SEL1L3: variants seen among roughly 807,000 people sequenced by gnomAD.
SEL1L3 encodes protein sel-1 homolog 3.
A neutral mutation model predicts 142.8 loss-of-function variants in SEL1L3; 76 were observed. The ratio of observed to expected loss-of-function variants is 0.53; its 90% CI spans 0.44 to 0.64. The LOEUF (loss-of-function observed/expected upper bound fraction) is 0.64. SEL1L3 is among the 30% of genes least tolerant of loss of function. SEL1L3 has a pLI of 0.00. For missense variants in SEL1L3, 1,262 were observed against 1,381.7 expected (o/e 0.91, Z 1.37); for synonymous variants, 504 against 519.6 (o/e 0.97, Z 0.41).
intron 7 of SEL1L3, among the ~76,000 whole-genome samples, chr4:25,820,457 A>G (rs1052985360): frequency 3.3e-5 from 5 of 152,232 alleles, no homozygotes; most frequent in Non-Finnish European, 5.9e-5. Context: ...CATCTGAATT[A>G]AAGCATGTAC....
chr4:25,715,460 CT>C, the SEL1L3 span, among the ~76,000 whole-genome samples: 215 of 152,222 alleles, frequency 1.4e-3, no homozygotes, highest in Non-Finnish European at 2.4e-3. Flanking sequence ...GAAATAGACC[CT>C]TTTACAATGC....
the SEL1L3 span, among the ~76,000 whole-genome samples, chr4:25,737,637 A>G: frequency 9.9e-5 from 15 of 152,206 alleles, no homozygotes; most frequent in Admixed American, 8.5e-4. Flanking sequence ...GTCCATAACA[A>G]AAATACAGTA....
In SEL1L3 at chr4:25,818,259, G is replaced by A. The variant is rs761127451; in HGVS notation, c.1443C>T (p.Tyr481=). 6.2e-7 allele frequency: 1 copy of A among 1,601,656 alleles called. No individual in the cohort carries two copies. Among genetic ancestry groups the A allele is most frequent in the Non-Finnish European group, 8.5e-7 (1 of 1,174,052 alleles). The change falls in exon 9 of 24, where the codon TAC becomes TAT. Residue 481 remains tyrosine, a synonymous_variant. Transcript: ENST00000399878. Reference sequence around the variant, plus strand: ...TCCCATACCTGCGCTGGAGGTCCAGGTAGGAGTTGTGGAGGTGGCCTACAC... The same window carrying A: ...TCCCATACCTGCGCTGGAGGTCCAGATAGGAGTTGTGGAGGTGGCCTACAC... The part of the protein sequence containing the change: ...RQEACHLHNS[Y]LDLQRRYGRP...
chr4:25,714,839 T>C, the SEL1L3 span, among the ~76,000 whole-genome samples: 1 of 152,130 alleles, frequency 6.6e-6, no homozygotes, highest in Non-Finnish European at 1.5e-5. Context: ...CCCAAGGTGC[T>C]GAGATTACAG....
At chr4:25,843,874 G>A (rs1364598714) in intron 2 of SEL1L3, among the ~76,000 whole-genome samples, 2 of 152,268 alleles carry the variant, frequency 1.3e-5, no homozygotes, top group Non-Finnish European at 2.9e-5. Context: ...GCCGTGTCTG[G>A]ACACACGTGG....
At chr4:25,753,361 C>T (rs1343285899) in intron 23 of SEL1L3, among the ~76,000 whole-genome samples, 1 of 152,240 alleles carries the variant, frequency 6.6e-6, no homozygotes, top group Non-Finnish European at 1.5e-5. Context: ...CTTATAGCAA[C>T]AATCCTCACC....
At chr4:25,714,500 T>TTTTCTTTCTTTCTTTCTTTC in the SEL1L3 span, among the ~76,000 whole-genome samples, 130 of 109,014 alleles carry the variant, frequency 1.2e-3, 1 homozygote, top group East Asian at 1.4e-3. Context: ...CTTTCTTTCT[T>TTTTCTTTCTTTCTTTCTTTC]TTTCTTTCTT....
At chr4:25,783,477 C>T (rs1711564987) in intron 14 of SEL1L3, among the ~76,000 whole-genome samples, 1 of 152,256 alleles carries the variant, frequency 6.6e-6, no homozygotes, top group South Asian at 2.1e-4. Flanking sequence ...TTGGGAGGCA[C>T]ATCCAGCTGC....
rs1339985712 is a variant in SEL1L3 at position 25,833,428 on chromosome 4, A to G, written c.982+20T>C. On this transcript the variant is annotated intron_variant, in intron 4 of 23. Transcript: ENST00000399878. ...TTACAAAATTACAATATCATTTTAA[A>G]GGTTCTGTTTTATACTCACCCTCTT... The G allele has an allele frequency of 6.2e-7, 1 of 1,601,018 alleles. No individual in the cohort carries two copies. Among genetic ancestry groups the G allele is most frequent in the Non-Finnish European group, 8.5e-7 (1 of 1,173,928 alleles).
At chr4:25,810,459 G>A (rs1028040840) in intron 9 of SEL1L3, among the ~76,000 whole-genome samples, 7 of 152,208 alleles carry the variant, frequency 4.6e-5, no homozygotes, top group Non-Finnish European at 8.8e-5. Flanking sequence ...AAACGGCTCA[G>A]TTTTGACAGG....
the SEL1L3 span, among the ~76,000 whole-genome samples, chr4:25,735,826 C>CTTTTTT: frequency 1.1e-3 from 110 of 101,542 alleles, no homozygotes; most frequent in Non-Finnish European, 1.3e-3. Context: ...TCTAACTATT[C>CTTTTTT]TTTTTTTTTT....
intron 2 of SEL1L3, among the ~76,000 whole-genome samples, chr4:25,839,522 C>G (rs1180464828): frequency 2.0e-5 from 3 of 152,220 alleles, no homozygotes; most frequent in Non-Finnish European, 2.9e-5. Flanking sequence ...AGGTCGGCAG[C>G]ATGTCCTGGT....
At position 25,789,968 on chromosome 4, in the gene SEL1L3, T is replaced by C. The variant is rs149684874; in HGVS notation, c.2076+487A>G. 4.9e-3 allele frequency among the ~76,000 whole-genome samples: 751 copies of C among 152,352 alleles called. 3 individuals are homozygous for C. The highest frequency in any genetic ancestry group is 0.017 in the Middle Eastern group (5 of 294). ...GTCCAACAAGCCATAAATGACTTTC[T>C]ATTGCTCTCCTAGCTGAGTTCATGG... On this transcript the variant is annotated intron_variant, in intron 12 of 23. Coordinates refer to ENST00000399878, the MANE Select transcript of SEL1L3 (RefSeq NM_015187.5).
chr4:25,794,039 T>C (rs1207748072), intron 11 of SEL1L3, among the ~76,000 whole-genome samples: 1 of 152,196 alleles, frequency 6.6e-6, no homozygotes, highest in Non-Finnish European at 1.5e-5. Context: ...ATGGACTAAA[T>C]ACTTAAATGT....
At chr4:25,746,545 A>AATAT (rs372226693), downstream of SEL1L3, among the ~76,000 whole-genome samples, 71,682 of 122,292 alleles carry the variant, frequency 0.59, 21,446 homozygotes, top group East Asian at 0.69. Flanking sequence ...TATATATTCA[A>AATAT]ATGTATATAT....
chr4:25,722,371 G>A, the SEL1L3 span, among the ~76,000 whole-genome samples: 4 of 152,050 alleles, frequency 2.6e-5, no homozygotes, highest in African/African-American at 7.2e-5. Flanking sequence ...TGCAACTACT[G>A]AGTCTTAATC....
chr4:25,745,428 T>C (rs911118598), downstream of SEL1L3, among the ~76,000 whole-genome samples: 2 of 151,516 alleles, frequency 1.3e-5, no homozygotes, highest in Non-Finnish European at 2.9e-5. Flanking sequence ...GAAGGCAGAA[T>C]TGAGCAGAGT....
At position 25,807,669 on chromosome 4, in the gene SEL1L3, G is replaced by A. The variant is rs369387804; in HGVS notation, c.1565-2917C>T. On this transcript the variant is annotated intron_variant, in intron 9 of 23. Coordinates refer to ENST00000399878, the MANE Select transcript of SEL1L3 (RefSeq NM_015187.5). ...GTACCCGTGGACCCGAGCTTTGTAG[G>A]CTCAGAGGAGGAAGAGACTCCAAAC... 2.0e-5 allele frequency among the ~76,000 whole-genome samples: 3 copies of A among 152,070 alleles called. No individual in the cohort carries two copies. The East Asian group carries it at 5.8e-4, about 29-fold the overall frequency.
rs551388877 is a variant in SEL1L3, at chr4:25,800,182, GTTAA to G, written c.1956+2097_1956+2100del. 2.0e-4 allele frequency among the ~76,000 whole-genome samples: 30 copies of G among 152,330 alleles called. No individual in the cohort carries two copies. In the South Asian group the frequency reaches 5.2e-3, roughly 26 times the overall value. ...GCAGTTATTGATGGGTCCTTGGTTT[GTTAA>G]TTAGAGGTCTGGCTTTCTCTGTCTT... On this transcript the variant is annotated intron_variant, in intron 11 of 23. Coordinates refer to ENST00000399878, the MANE Select transcript of SEL1L3 (RefSeq NM_015187.5).
Sources: allele counts gnomAD v4.1 joint callset (sites outside exome capture counted in the v4.1 genomes callset), GRCh38; gene constraint gnomAD v4.1.1; transcripts MANE v1.5; gene names NCBI Gene and HGNC (gene_info 2026-07-23, HGNC 2026-07-21).